Variants in L3MBTL4 observed in about 807,000 individuals in gnomAD.
L3MBTL4 encodes the protein lethal(3)malignant brain tumor-like protein 4.
A neutral mutation model predicts 84.5 loss-of-function variants in L3MBTL4; 70 were observed. The observed-to-expected ratio is 0.83, with a 90% CI of 0.68 to 1.01. The LOEUF is 1.01. Ranked by LOEUF, L3MBTL4 falls within the 50% of genes least tolerant of loss-of-function variation. L3MBTL4 has a pLI of 0.00. For synonymous variants in L3MBTL4, 274 were observed against 259.8 expected (o/e 1.05, Z -0.52); for missense variants, 715 against 754.8 (o/e 0.95, Z 0.62).
chr18:6,016,135 G>C (rs1362679385), intron 16 of L3MBTL4, among the ~76,000 whole-genome samples: 2 of 152,170 alleles, frequency 1.3e-5, no homozygotes, highest in Non-Finnish European at 2.9e-5. Flanking sequence ...TCACTGCTTG[G>C]AAGGTGTGGA....
intron 15 of L3MBTL4, chr18:6,081,180 A>C (rs779336365): frequency 7.2e-5 from 27 of 377,022 alleles, no homozygotes; most frequent in Non-Finnish European, 1.0e-4. Context: ...TTCCCCCCTC[A>C]TTCTATTACA....
intron 13 of L3MBTL4, among the ~76,000 whole-genome samples, chr18:6,156,744 G>C (rs2144923639): frequency 6.6e-6 from 1 of 152,296 alleles, no homozygotes; most frequent in Non-Finnish European, 1.5e-5. Context: ...ATTTTAGAAG[G>C]GACGGGCTAT....
chr18:6,154,202 G>A (rs1169483315), intron 13 of L3MBTL4, among the ~76,000 whole-genome samples: 1 of 152,110 alleles, frequency 6.6e-6, no homozygotes, highest in Non-Finnish European at 1.5e-5. Flanking sequence ...TACTATTAGT[G>A]TATTGCTGTC....
At chr18:6,121,407 A>C (rs946673318) in intron 14 of L3MBTL4, among the ~76,000 whole-genome samples, 1 of 152,246 alleles carries the variant, frequency 6.6e-6, no homozygotes, top group Non-Finnish European at 1.5e-5. Flanking sequence ...ATATGCAGGC[A>C]CTGAATTATA....
intron 17 of L3MBTL4, among the ~76,000 whole-genome samples, chr18:5,960,389 C>T (rs7231876): frequency 0.37 from 56,298 of 152,040 alleles, 10,727 homozygotes; most frequent in East Asian, 0.51. Context: ...GTTATAATGA[C>T]GACAGTAATA....
At chr18:5,994,462 A>G (rs1406802357) in intron 16 of L3MBTL4, among the ~76,000 whole-genome samples, 2 of 152,100 alleles carry the variant, frequency 1.3e-5, no homozygotes, top group African/African-American at 4.8e-5. Flanking sequence ...TCTTGTTCTA[A>G]TTTTTCCAAA....
At chr18:6,333,594 A>C (rs2052161768) in intron 1 of L3MBTL4, among the ~76,000 whole-genome samples, 1 of 151,538 alleles carries the variant, frequency 6.6e-6, no homozygotes, top group Admixed American at 6.6e-5. Flanking sequence ...AAAAAAACCT[A>C]ATTGTTTATG....
intron 14 of L3MBTL4, among the ~76,000 whole-genome samples, chr18:6,116,449 C>T (rs759897575): frequency 2.9e-4 from 44 of 151,562 alleles, no homozygotes; most frequent in South Asian, 4.2e-4. Flanking sequence ...CAGCAACCTC[C>T]GCCTCCCGGG....
intron 14 of L3MBTL4, among the ~76,000 whole-genome samples, chr18:6,099,870 T>C (rs2143829299): frequency 6.6e-6 from 1 of 152,086 alleles, no homozygotes; most frequent in East Asian, 1.9e-4. Context: ...TAACTATCTA[T>C]CTATGACTCA....
At chr18:5,987,181 GC>G (rs1194065422) in intron 16 of L3MBTL4, among the ~76,000 whole-genome samples, 1 of 152,166 alleles carries the variant, frequency 6.6e-6, no homozygotes, top group Non-Finnish European at 1.5e-5. Context: ...GGGGTCTGAT[GC>G]CCCCATTTTG....
At chr18:6,234,670 A>G (rs948920671) in intron 10 of L3MBTL4, among the ~76,000 whole-genome samples, 12 of 152,232 alleles carry the variant, frequency 7.9e-5, no homozygotes, top group African/African-American at 2.6e-4. Flanking sequence ...GGAAACATCA[A>G]GTGCTGGAGA....
intron 15 of L3MBTL4, among the ~76,000 whole-genome samples, chr18:6,084,449 A>C (rs1001452892): frequency 3.3e-5 from 5 of 152,310 alleles, no homozygotes; most frequent in African/African-American, 4.8e-5. Flanking sequence ...AGTTCAAAAA[A>C]CACACGGAAT....
At chr18:5,980,307 C>G (rs1055557293) in intron 16 of L3MBTL4, among the ~76,000 whole-genome samples, 2 of 152,146 alleles carry the variant, frequency 1.3e-5, no homozygotes, top group Non-Finnish European at 2.9e-5. Context: ...CCCACCCACT[C>G]TGGGAGGGTG....
intron 9 of L3MBTL4, among the ~76,000 whole-genome samples, chr18:6,238,510 G>C (rs904353769): frequency 3.3e-5 from 5 of 152,078 alleles, no homozygotes; most frequent in Non-Finnish European, 4.4e-5. Context: ...TCCAGCCTGG[G>C]CAACAGAGCG....
At chr18:6,105,442 G>A (rs971697644) in intron 14 of L3MBTL4, among the ~76,000 whole-genome samples, 1 of 151,346 alleles carries the variant, frequency 6.6e-6, no homozygotes, top group African/African-American at 2.4e-5. Context: ...CTCCTGCCTC[G>A]ATCTCCCGAA....
intron 14 of L3MBTL4, among the ~76,000 whole-genome samples, chr18:6,136,436 C>A (rs2060030896): frequency 6.6e-6 from 1 of 152,204 alleles, no homozygotes; most frequent in South Asian, 2.1e-4. Context: ...CCAGAGGCTA[C>A]TCCCTTTGCA....
intron 5 of L3MBTL4, among the ~76,000 whole-genome samples, chr18:6,252,334 C>A (rs2146253610): frequency 6.6e-6 from 1 of 152,210 alleles, no homozygotes; most frequent in African/African-American, 2.4e-5. Context: ...AAAAGCAAGA[C>A]ACATCACTGC....
intron 12 of L3MBTL4, among the ~76,000 whole-genome samples, chr18:6,191,541 G>A (rs1409436002): frequency 2.0e-5 from 3 of 152,114 alleles, no homozygotes; most frequent in Admixed American, 6.6e-5. Flanking sequence ...GACATAAAAC[G>A]GACAAGTCGA....
intron 16 of L3MBTL4, among the ~76,000 whole-genome samples, chr18:5,986,943 T>C (rs889207899): frequency 3.3e-5 from 5 of 152,218 alleles, no homozygotes; most frequent in African/African-American, 4.8e-5. Flanking sequence ...AATTACTCCT[T>C]TTTCTGTTTT....
Sources: gnomAD v4.1 joint callset for allele counts (sites outside exome capture counted in the v4.1 genomes callset) on GRCh38, gnomAD v4.1.1 for gene constraint, MANE v1.5 for transcripts, NCBI Gene and HGNC (gene_info 2026-07-23, HGNC 2026-07-21) for gene names.